Variants in RAP1GAP2 observed in about 807,000 individuals in gnomAD.
The protein encoded by RAP1GAP2 is rap1 GTPase-activating protein 2.
A neutral mutation model predicts 95.0 loss-of-function variants in RAP1GAP2; 27 were observed. That is an observed-to-expected ratio of 0.28 (90% CI 0.21 to 0.39). RAP1GAP2 has a LOEUF of 0.39. RAP1GAP2 is among the 10% of genes least tolerant of loss of function. The pLI, the probability that RAP1GAP2 is intolerant of heterozygous loss-of-function variation, is 1.00. For missense variants in RAP1GAP2, 771 were observed against 970.0 expected (o/e 0.79, Z 2.72); for synonymous variants, 373 against 380.9 (o/e 0.98, Z 0.24).
At chr17:2,932,816 CAAAAAAAGAAAAAAA>C (rs2043196595) in intron 3 of RAP1GAP2, among the ~76,000 whole-genome samples, 3 of 10,166 alleles carry the variant, frequency 3.0e-4, no homozygotes, top group Non-Finnish European at 7.6e-4. Context: ...GACTCCATCT[CAAAAAAAGAAAAAAA>C]AAAAAAAAAA....
chr17:2,815,702 G>C (rs1195582201), intron 2 of RAP1GAP2, among the ~76,000 whole-genome samples: 3 of 151,996 alleles, frequency 2.0e-5, no homozygotes, highest in Non-Finnish European at 4.4e-5. Flanking sequence ...GGCTGGTCTT[G>C]AACTCCTGAC....
At chr17:2,772,855 CTT>C (rs773565092), upstream of RAP1GAP2, among the ~76,000 whole-genome samples, 15 of 126,070 alleles carry the variant, frequency 1.2e-4, no homozygotes, top group East Asian at 4.8e-4. Flanking sequence ...TTCTTTCTTT[CTT>C]TTTTTTTTTT....
intron 2 of RAP1GAP2, among the ~76,000 whole-genome samples, chr17:2,861,789 G>A (rs536287649): frequency 1.1e-3 from 170 of 152,140 alleles, no homozygotes; most frequent in Non-Finnish European, 1.9e-3. Context: ...TGAGTAGCTG[G>A]GACTACAGGT....
intron 2 of RAP1GAP2, among the ~76,000 whole-genome samples, chr17:2,864,601 G>A (rs2072548386): frequency 1.3e-5 from 2 of 152,246 alleles, no homozygotes; most frequent in African/African-American, 4.8e-5. Context: ...ACGGTGTGGG[G>A]AGCAGGAGGC....
intron 11 of RAP1GAP2, among the ~76,000 whole-genome samples, chr17:2,990,905 T>C (rs552631188): frequency 6.6e-6 from 1 of 150,434 alleles, no homozygotes; most frequent in East Asian, 2.0e-4. Flanking sequence ...ACTGCAATGG[T>C]GTGATCTTGG....
rs544893066 is a variant in RAP1GAP2, at chr17:2,902,207, G to A, written c.81-3077G>A. On this transcript the variant is annotated intron_variant, in intron 2 of 24. Coordinates refer to ENST00000254695, the MANE Select transcript of RAP1GAP2 (RefSeq NM_015085.5). The surrounding 1 kb of genome is among the most constrained non-coding windows in gnomAD (Gnocchi z 4.1). The stretch of plus-strand genomic sequence containing the variant: ...TTCTCACTGTGTGTTTCTTCACATT[G>A]TTGCCTTCCCTTCTTTTTTTTTTTT... Among the ~76,000 whole-genome samples the A allele has an allele frequency of 1.3e-4, 19 of 151,738 alleles. No homozygotes were observed. Among genetic ancestry groups the A allele is most frequent in the Non-Finnish European group, 2.2e-4 (15 of 67,938 alleles).
chr17:3,033,986 T>G lies in RAP1GAP2; in HGVS notation c.*625T>G, dbSNP rs2047404540. On this transcript the variant is annotated 3_prime_UTR_variant, in exon 25 of 25. Coordinates refer to ENST00000254695, the MANE Select transcript of RAP1GAP2 (RefSeq NM_015085.5). The surrounding 1 kb of genome is among the most constrained non-coding windows in gnomAD (Gnocchi z 4.9). ...TGAACGCCTTTCCCATCTGCTGACG[T>G]AGGCCCAGGGCTGCCCTGCCCCTGC... 6.6e-6 allele frequency: 1 copy of G among 152,640 alleles called. No individual in the cohort carries two copies. The highest frequency in any genetic ancestry group is 1.5e-5 in the Non-Finnish European group (1 of 68,404). The allele number at this position is 152,640 out of a possible 1,614,324, so 9.5% of individuals were successfully genotyped here.
intron 2 of RAP1GAP2, among the ~76,000 whole-genome samples, chr17:2,820,957 G>A (rs1287575439): frequency 2.0e-5 from 3 of 146,706 alleles, no homozygotes; most frequent in Admixed American, 7.0e-5. Flanking sequence ...GGCTGCTCTC[G>A]AACTGCTGAC....
At chr17:3,009,117 G>T (rs1388129104) in intron 17 of RAP1GAP2, among the ~76,000 whole-genome samples, 2 of 152,160 alleles carry the variant, frequency 1.3e-5, no homozygotes, top group East Asian at 1.9e-4. Context: ...AGCTCTGTGG[G>T]ATCCTGGGCA....
intron 2 of RAP1GAP2, among the ~76,000 whole-genome samples, chr17:2,848,290 C>T (rs529876826): frequency 2.6e-5 from 4 of 152,230 alleles, no homozygotes; most frequent in African/African-American, 9.6e-5. Context: ...AATATGACGT[C>T]TGTGGCCCCA....
At chr17:2,769,718 C>T (rs1023676532) in intron 1 of RAP1GAP2, among the ~76,000 whole-genome samples, 16 of 152,116 alleles carry the variant, frequency 1.1e-4, no homozygotes, top group Admixed American at 3.9e-4. Context: ...CCTCCAGTGA[C>T]GGGGAACTTA....
exon 2 of RAP1GAP2, chr17:2,770,372 A>T (rs2151434576): frequency 2.5e-6 from 1 of 398,702 alleles, no homozygotes; most frequent in African/African-American, 2.1e-5. Context: ...GAGGACGCTG[A>T]CAGCCTTCCA....
At chr17:2,794,868 T>C (rs1414956373), upstream of RAP1GAP2, among the ~76,000 whole-genome samples, 1 of 128,446 alleles carries the variant, frequency 7.8e-6, no homozygotes, top group East Asian at 2.4e-4. Flanking sequence ...GCCGTTTTTT[T>C]CCTTTTTTTT....
Position 3,027,343 on chromosome 17 carries a change from G to A in RAP1GAP2, c.2107+273G>A, listed in dbSNP as rs995467721. ...AGCGGAGGAGTCGGGATTGGCAGTG[G>A]GAAAGCTGAGCACTTTCCATTAGCC... On this transcript the variant is annotated intron_variant, in intron 22 of 24. Transcript: ENST00000254695. This position sits in a 1 kb window ranked among gnomAD's most constrained non-coding sequence, Gnocchi z 5.2. Among the ~76,000 whole-genome samples, 3 of 152,184 alleles carry A rather than the reference G, an allele frequency of 2.0e-5. No homozygotes were observed. The highest frequency in any genetic ancestry group is 2.9e-5 in the Non-Finnish European group (2 of 68,032).
chr17:2,785,022 G>C (rs867083575), intron 1 of RAP1GAP2, among the ~76,000 whole-genome samples: 15 of 152,186 alleles, frequency 9.9e-5, no homozygotes, highest in African/African-American at 3.6e-4. Context: ...CTGTTCATCT[G>C]CCTGCGGCAT....
intron 2 of RAP1GAP2, among the ~76,000 whole-genome samples, chr17:2,858,040 C>T (rs1402575462): frequency 6.6e-6 from 1 of 152,166 alleles, no homozygotes; most frequent in African/African-American, 2.4e-5. Context: ...GCTGAGGTTG[C>T]AGTGAGCTGA....
At chr17:2,819,175 C>T (rs2070173555) in intron 2 of RAP1GAP2, among the ~76,000 whole-genome samples, 1 of 151,942 alleles carries the variant, frequency 6.6e-6, no homozygotes, top group Non-Finnish European at 1.5e-5. Context: ...CCCGCTACCA[C>T]ACCCGGCTAA....
chr17:2,977,367 T>C (rs1280986999), intron 8 of RAP1GAP2, among the ~76,000 whole-genome samples: 2 of 152,106 alleles, frequency 1.3e-5, no homozygotes, highest in African/African-American at 4.8e-5. Context: ...TATCCTCCTA[T>C]AAAAACAGCA....
intron 3 of RAP1GAP2, among the ~76,000 whole-genome samples, chr17:2,909,352 A>G (rs908979885): frequency 6.6e-6 from 1 of 152,084 alleles, no homozygotes; most frequent in Non-Finnish European, 1.5e-5. Flanking sequence ...GATGTAACTC[A>G]GACCAGCCCT....
Sources: gnomAD v4.1 joint callset for allele counts (sites outside exome capture counted in the v4.1 genomes callset) on GRCh38, gnomAD v4.1.1 for gene constraint, Gnocchi (gnomAD v3.1) non-coding constraint, MANE v1.5 for transcripts, NCBI Gene and HGNC (gene_info 2026-07-23, HGNC 2026-07-21) for gene names.